Variants in SAMD4B observed in about 807,000 individuals in gnomAD.
SAMD4B encodes the protein sterile alpha motif domain containing 4B.
A neutral mutation model predicts 74.5 loss-of-function variants in SAMD4B; 5 were observed. The ratio of observed to expected loss-of-function variants is 0.07; its 90% CI spans 0.04 to 0.14. SAMD4B has a LOEUF of 0.14. SAMD4B is among the 10% of genes least tolerant of loss of function. The pLI, the probability that SAMD4B is intolerant of heterozygous loss-of-function variation, is 1.00. For synonymous variants in SAMD4B, 373 were observed against 374.9 expected (o/e 1.00, Z 0.06); for missense variants, 608 against 921.8 (o/e 0.66, Z 4.41).
rs1002960275 is a variant in SAMD4B, at chr19:39,380,647, G to A, written c.1710G>A (p.Arg570=). The change falls in exon 11 of 14, where the codon CGG becomes CGA. Residue 570 remains arginine, a synonymous_variant. Transcript: ENST00000610417. ...GCTCTGTGGGGATGGGAGTGGCCCG[G>A]CGTACCCAGCGGCAGTTCCCAATGC... is the stretch of plus-strand genomic sequence containing the variant. ...IAGSVGMGVA[R]RTQRQFPMPP... 3 of 1,614,078 alleles carry A rather than the reference G, an allele frequency of 1.9e-6. No individual in the cohort carries two copies. The highest frequency in any genetic ancestry group is 2.5e-6 in the Non-Finnish European group (3 of 1,180,014).
At chr19:39,366,771 TAAGTC>T (rs2076984059) in intron 3 of SAMD4B, among the ~76,000 whole-genome samples, 1 of 152,114 alleles carries the variant, frequency 6.6e-6, no homozygotes, top group Non-Finnish European at 1.5e-5. Context: ...ACTTTTTTTT[TAAGTC>T]AATCCTGAAG....
At position 39,383,592 on chromosome 19, in the gene SAMD4B, G is replaced by A; in HGVS notation, c.*65G>A. On this transcript the variant is annotated 3_prime_UTR_variant, in exon 14 of 14. Transcript: ENST00000610417. This position sits in a 1 kb window ranked among gnomAD's most constrained non-coding sequence, Gnocchi z 4.1. The stretch of plus-strand genomic sequence containing the variant: ...GGCGGGCGGGGGCCAACCCCCAACG[G>A]GCTTCTCCGCGACAGCGAGAGGGTG... 6 of 1,613,984 alleles carry A rather than the reference G, an allele frequency of 3.7e-6. No individual in the cohort carries two copies. Among genetic ancestry groups the A allele is most frequent in the Non-Finnish European group, 5.1e-6 (6 of 1,180,002 alleles).
In SAMD4B at chr19:39,383,970, C is replaced by T; in HGVS notation, c.*443C>T. The stretch of plus-strand genomic sequence containing the variant: ...TGACGCGCAGGGCAGAGAACCTGCC[C>T]TCCAGAATGTTATTGAGAGGAGCTG... On this transcript the variant is annotated 3_prime_UTR_variant, in exon 14 of 14. Transcript: ENST00000610417. This position sits in a 1 kb window ranked among gnomAD's most constrained non-coding sequence, Gnocchi z 4.1. 1 of 498,828 alleles carries T rather than the reference C, an allele frequency of 2.0e-6. No individual in the cohort carries two copies. Among genetic ancestry groups the T allele is most frequent in the Non-Finnish European group, 3.6e-6 (1 of 280,864 alleles). The allele number at this position is 498,828 out of a possible 1,614,324, so 30.9% of individuals were successfully genotyped here.
chr19:39,388,965 A>G (rs752371697), downstream of SAMD4B: 1 of 1,614,008 alleles, frequency 6.2e-7, no homozygotes, highest in African/African-American at 1.3e-5. Context: ...CTGGGAAGAC[A>G]GGCATGACCT....
chr19:39,389,946 G>T, downstream of SAMD4B: 1 of 1,055,312 alleles, frequency 9.5e-7, no homozygotes, highest in Non-Finnish European at 1.5e-6. The surrounding 1 kb of genome is among the most constrained non-coding windows in gnomAD (Gnocchi z 5.3). Context: ...CAATTGAGCA[G>T]CTACTACTAT....
chr19:39,386,169 T>C, downstream of SAMD4B: 1 of 1,614,170 alleles, frequency 6.2e-7, no homozygotes, highest in South Asian at 1.1e-5. The surrounding 1 kb of genome is among the most constrained non-coding windows in gnomAD (Gnocchi z 6.1). Context: ...ACCTTGGGCC[T>C]GTCCTCTGTC....
In SAMD4B at chr19:39,369,920, G is replaced by A. The variant is rs1340604316; in HGVS notation, c.462G>A (p.Leu154=). 2.5e-6 allele frequency: 4 copies of A among 1,614,060 alleles called. No individual in the cohort carries two copies. Among genetic ancestry groups the A allele is most frequent in the Non-Finnish European group, 3.4e-6 (4 of 1,180,032 alleles). The change falls in exon 4 of 14, where the codon TTG becomes TTA. Residue 154 remains leucine (L), a synonymous_variant. Coordinates refer to ENST00000610417, the MANE Select transcript of SAMD4B (RefSeq NM_001384574.2). ...ALWLSHLEER[L]ASGFRSRPEP... is the part of the protein sequence containing the mutation. ...GGCTGAGCCACCTGGAAGAGCGGTT[G>A]GCTAGTGGCTTCCGCTCCCGGCCAG... is the stretch of plus-strand genomic sequence containing the variant.
Position 39,378,667 on chromosome 19 carries a change from G to T in SAMD4B, c.1530+78G>T. 8.1e-7 allele frequency: 1 copy of T among 1,230,472 alleles called. No homozygotes were observed. Among genetic ancestry groups the T allele is most frequent in the South Asian group, 1.2e-5 (1 of 80,984 alleles). The allele number at this position is 1,230,472 out of a possible 1,614,324, so 76.2% of individuals were successfully genotyped here. A position where few individuals can be genotyped will look rare whatever the true frequency, so the allele number is the denominator to read the frequency against. The stretch of plus-strand genomic sequence containing the variant: ...TTCACGCCTGTAGTCCCAGCACTTC[G>T]GCCACCGAGGCGGGCGGATCATGAG... On this transcript the variant is annotated intron_variant, in intron 9 of 13. Coordinates refer to ENST00000610417, the MANE Select transcript of SAMD4B (RefSeq NM_001384574.2). The surrounding 1 kb of genome is among the most constrained non-coding windows in gnomAD (Gnocchi z 4.4).
Position 39,385,358 on chromosome 19 carries a change from C to G in SAMD4B, c.*1831C>G, listed in dbSNP as rs1168488481. ...CTTGTTCACTCTCCATCAGGGTGAG[C>G]TGACTGTGCCTGGCACTGGGAGGTG... On this transcript the variant is annotated 3_prime_UTR_variant, in exon 14 of 14. Coordinates refer to ENST00000610417, the MANE Select transcript of SAMD4B (RefSeq NM_001384574.2). The G allele has an allele frequency of 2.5e-6, 1 of 401,742 alleles. No individual in the cohort carries two copies. Among genetic ancestry groups the G allele is most frequent in the East Asian group, 3.6e-5 (1 of 28,084 alleles). 24.9% of individuals were successfully genotyped at this position (401,742 alleles called of 1,614,324 possible).
intron 3 of SAMD4B, chr19:39,369,035 G>C (rs1278215508): frequency 1.3e-5 from 2 of 153,272 alleles, no homozygotes; most frequent in African/African-American, 4.8e-5. Flanking sequence ...TAAAGCATGA[G>C]AGCAGGCCTG....
chr19:39,363,230 T>C (rs1006977989), intron 3 of SAMD4B, among the ~76,000 whole-genome samples: 1 of 152,196 alleles, frequency 6.6e-6, no homozygotes, highest in African/African-American at 2.4e-5. Context: ...AGGACATTTA[T>C]ACGCACAGCA....
At position 39,384,443 on chromosome 19, in the gene SAMD4B, C is replaced by T. The variant is rs1216641837; in HGVS notation, c.*916C>T. ...CCACGAACACACACCCTTCTCCGCTCCCAGGTCTGGTTGGTGAGACTTGGG... is the reference window on the plus strand; with the variant it reads ...CCACGAACACACACCCTTCTCCGCTTCCAGGTCTGGTTGGTGAGACTTGGG... On this transcript the variant is annotated 3_prime_UTR_variant, in exon 14 of 14. Coordinates refer to ENST00000610417, the MANE Select transcript of SAMD4B (RefSeq NM_001384574.2). 6.6e-6 allele frequency: 1 copy of T among 152,668 alleles called. No homozygotes were observed. Among genetic ancestry groups the T allele is most frequent in the Non-Finnish European group, 1.5e-5 (1 of 68,054 alleles). The allele number at this position is 152,668 out of a possible 1,614,324, so 9.5% of individuals were successfully genotyped here.
intron 1 of SAMD4B, among the ~76,000 whole-genome samples, chr19:39,353,468 A>G (rs74448021): frequency 0.033 from 5,026 of 152,176 alleles, 215 homozygotes; most frequent in African/African-American, 0.095. Context: ...CATATATAAG[A>G]TATATAAGGG....
chr19:39,380,467 A>G lies in SAMD4B; in HGVS notation c.1650-120A>G. On this transcript the variant is annotated intron_variant, in intron 10 of 13. Coordinates refer to ENST00000610417, the MANE Select transcript of SAMD4B (RefSeq NM_001384574.2). The stretch of plus-strand genomic sequence containing the variant: ...TACCCTTGGGGCAGATGAGGACAGA[A>G]TGTGTGATGGAGGTTTATGTTCTCT... 4 of 1,058,010 alleles carry G rather than the reference A, an allele frequency of 3.8e-6. No homozygotes were observed. In the South Asian group the frequency reaches 5.2e-5, roughly 14 times the overall value. The allele number at this position is 1,058,010 out of a possible 1,614,324, so 65.5% of individuals were successfully genotyped here.
chr19:39,374,721 G>A (rs934440057), intron 4 of SAMD4B, among the ~76,000 whole-genome samples: 1 of 151,998 alleles, frequency 6.6e-6, no homozygotes, highest in Non-Finnish European at 1.5e-5. Flanking sequence ...GGCATCTGTA[G>A]TCCCAGCTAC....
At chr19:39,381,847 G>A (rs942115029) in intron 12 of SAMD4B, among the ~76,000 whole-genome samples, 6 of 152,188 alleles carry the variant, frequency 3.9e-5, no homozygotes, top group Non-Finnish European at 5.9e-5. Context: ...CAGGAGGATC[G>A]CTTGAGCCCA....
intron 12 of SAMD4B, 65 bp downstream of exon 12, chr19:39,381,178 C>T: frequency 2.0e-6 from 3 of 1,519,750 alleles, no homozygotes; most frequent in Admixed American, 2.0e-5. Flanking sequence ...CTTTTTTCTC[C>T]TGGGTCTCAT....
downstream of SAMD4B, chr19:39,390,038 C>A (rs765314769): frequency 1.3e-6 from 2 of 1,541,058 alleles, no homozygotes; most frequent in Non-Finnish European, 1.8e-6. Context: ...GGAACTCATA[C>A]CTGAGTAGTT....
intron 1 of SAMD4B, among the ~76,000 whole-genome samples, chr19:39,352,673 C>T (rs942232883): frequency 7.3e-5 from 11 of 151,606 alleles, no homozygotes; most frequent in African/African-American, 2.7e-4. Flanking sequence ...TGTTTGAGAC[C>T]CTATTATGTC....
Sources: allele counts gnomAD v4.1 joint callset (sites outside exome capture counted in the v4.1 genomes callset), GRCh38; gene constraint gnomAD v4.1.1; non-coding constraint Gnocchi (gnomAD v3.1); transcripts MANE v1.5; gene names NCBI Gene and HGNC (gene_info 2026-07-23, HGNC 2026-07-21).